The following CCSER1 variants were observed in gnomAD, a reference collection of about 807,000 sequenced individuals.
CCSER1 encodes the protein coiled-coil serine rich protein 1.
In CCSER1, 41 loss-of-function variants were observed where a neutral mutation model predicts 82.0. The ratio of observed to expected loss-of-function variants is 0.50; its 90% CI spans 0.39 to 0.65. The LOEUF (loss-of-function observed/expected upper bound fraction) is 0.65, where lower values mean the gene tolerates loss of function less well. CCSER1 is among the 30% of genes least tolerant of loss of function. The pLI, the probability that CCSER1 is intolerant of heterozygous loss-of-function variation, is 0.00. For synonymous variants in CCSER1, 414 were observed against 383.9 expected, an observed-to-expected ratio of 1.08 and a Z score of -0.92; for missense variants, 1,119 against 1,064.2, an observed-to-expected ratio of 1.05 and a Z score of -0.72.
intron 9 of CCSER1, among the ~76,000 whole-genome samples, chr4:90,937,218 T>C (rs1731048528): frequency 6.6e-6 from 1 of 152,146 alleles, no homozygotes; most frequent in Non-Finnish European, 1.5e-5. Context: ...TCAGGGAAGA[T>C]GGTTCTGCCA....
At chr4:90,511,638 A>T (rs528937419) in intron 5 of CCSER1, among the ~76,000 whole-genome samples, 2 of 152,330 alleles carry the variant, frequency 1.3e-5, no homozygotes, top group East Asian at 1.9e-4. Context: ...AAGATAGGTG[A>T]TATAGAGCTC....
chr4:90,633,543 T>A (rs922384172), intron 6 of CCSER1, among the ~76,000 whole-genome samples: 2 of 151,948 alleles, frequency 1.3e-5, no homozygotes, highest in Non-Finnish European at 2.9e-5. Flanking sequence ...AAGAAAGGCC[T>A]AGAGGTTTAG....
At chr4:90,236,405 T>C (rs1358056554) in intron 1 of CCSER1, among the ~76,000 whole-genome samples, 2 of 152,112 alleles carry the variant, frequency 1.3e-5, no homozygotes, top group Non-Finnish European at 2.9e-5. Context: ...ACCAGTAGTT[T>C]AGTGGGACAG....
At chr4:90,659,095 T>A (rs1480540405) in intron 6 of CCSER1, among the ~76,000 whole-genome samples, 1 of 151,800 alleles carries the variant, frequency 6.6e-6, no homozygotes, top group Non-Finnish European at 1.5e-5. Flanking sequence ...TTTTTTTTTT[T>A]TTTTGAGAAC....
chr4:91,048,604 T>C (rs1742723672), intron 9 of CCSER1, among the ~76,000 whole-genome samples: 1 of 152,138 alleles, frequency 6.6e-6, no homozygotes. Flanking sequence ...ATTTCATACA[T>C]ACAATGTACA....
chr4:90,487,524 G>A (rs1183414302), intron 5 of CCSER1, among the ~76,000 whole-genome samples: 2 of 152,228 alleles, frequency 1.3e-5, no homozygotes, highest in African/African-American at 4.8e-5. Context: ...TGAAAGCAGG[G>A]ATTGTTCCCC....
At chr4:90,314,430 C>G (rs546926503) in intron 3 of CCSER1, among the ~76,000 whole-genome samples, 7 of 152,244 alleles carry the variant, frequency 4.6e-5, no homozygotes, top group Non-Finnish European at 8.8e-5. Flanking sequence ...AGTATTTCTT[C>G]ATGGAGAGGC....
At chr4:91,369,826 C>T (rs989757031) in intron 10 of CCSER1, among the ~76,000 whole-genome samples, 21 of 147,098 alleles carry the variant, frequency 1.4e-4, no homozygotes, top group Middle Eastern at 3.4e-3. Flanking sequence ...ACGCCCACCA[C>T]GCCTAGCTAA....
chr4:90,299,499 G>A (rs1011078326), intron 1 of CCSER1, among the ~76,000 whole-genome samples: 4 of 151,928 alleles, frequency 2.6e-5, no homozygotes, highest in Non-Finnish European at 5.9e-5. Flanking sequence ...TTCTACCTTA[G>A]GCTGACAATC....
intron 10 of CCSER1, among the ~76,000 whole-genome samples, chr4:91,140,941 T>C (rs1274122541): frequency 6.6e-6 from 1 of 152,046 alleles, no homozygotes; most frequent in African/African-American, 2.4e-5. Flanking sequence ...AATAGGTAGT[T>C]TCTCAACCCT....
chr4:91,179,191 C>T (rs1045192792), intron 10 of CCSER1, among the ~76,000 whole-genome samples: 1 of 152,190 alleles, frequency 6.6e-6, no homozygotes. Context: ...TGATTGGCTT[C>T]CCTTTGTGGG....
intron 5 of CCSER1, among the ~76,000 whole-genome samples, chr4:90,508,402 G>T (rs1041908644): frequency 8.6e-5 from 13 of 151,800 alleles, no homozygotes; most frequent in African/African-American, 3.1e-4. Flanking sequence ...GACTTGTTCA[G>T]TTTGTTTCTA....
chr4:91,126,410 G>T (rs1727522621), intron 10 of CCSER1, among the ~76,000 whole-genome samples: 1 of 151,712 alleles, frequency 6.6e-6, no homozygotes, highest in South Asian at 2.1e-4. Flanking sequence ...TGTAATACAG[G>T]CTCATAATAT....
intron 10 of CCSER1, among the ~76,000 whole-genome samples, chr4:91,095,429 G>T (rs549732365): frequency 2.0e-5 from 3 of 152,230 alleles, no homozygotes; most frequent in Admixed American, 1.3e-4. Flanking sequence ...GCAAATCAGT[G>T]TTCTGCCTGG....
At chr4:91,303,662 G>T (rs949319415) in intron 10 of CCSER1, among the ~76,000 whole-genome samples, 2 of 151,808 alleles carry the variant, frequency 1.3e-5, no homozygotes, top group African/African-American at 4.8e-5. Flanking sequence ...AGGTGCAGTG[G>T]TGCATGCCTG....
chr4:90,452,861 C>A (rs1203887260), intron 4 of CCSER1, among the ~76,000 whole-genome samples: 1 of 152,102 alleles, frequency 6.6e-6, no homozygotes, highest in Non-Finnish European at 1.5e-5. Flanking sequence ...ATTCTTTCTT[C>A]ACCTAGTGCC....
intron 10 of CCSER1, among the ~76,000 whole-genome samples, chr4:91,556,825 T>TATTG (rs1209662087): frequency 6.6e-6 from 1 of 151,146 alleles, no homozygotes; most frequent in Non-Finnish European, 1.5e-5. Flanking sequence ...TAAGAAAAAT[T>TATTG]ATTGATTTCT....
intron 8 of CCSER1, among the ~76,000 whole-genome samples, chr4:90,848,657 C>T (rs1371262648): frequency 2.6e-5 from 4 of 152,120 alleles, no homozygotes; most frequent in African/African-American, 7.2e-5. Flanking sequence ...ATGTGCATTA[C>T]CTTTCCCCAT....
At chr4:90,161,174 C>T (rs965820800) in intron 1 of CCSER1, among the ~76,000 whole-genome samples, 1 of 152,100 alleles carries the variant, frequency 6.6e-6, no homozygotes, top group Non-Finnish European at 1.5e-5. Context: ...TATGTTTGCT[C>T]ATCCTATGTG....
Sources: gnomAD v4.1 joint callset for allele counts (sites outside exome capture counted in the v4.1 genomes callset) on GRCh38, gnomAD v4.1.1 for gene constraint, MANE v1.5 for transcripts, NCBI Gene and HGNC (gene_info 2026-07-23, HGNC 2026-07-21) for gene names.